MAML2: variants seen among roughly 807,000 people sequenced by gnomAD.
MAML2 encodes the protein mastermind-like protein 2.
Under a neutral mutation model 96.1 loss-of-function variants are expected in MAML2, and 22 were observed. The ratio of observed to expected loss-of-function variants is 0.23; its 90% CI spans 0.16 to 0.33. MAML2 has a LOEUF of 0.33. MAML2 is among the 10% of genes least tolerant of loss of function. The pLI is 1.00. For missense variants in MAML2, 1,367 were observed against 1,392.4 expected, an observed-to-expected ratio of 0.98 and a Z score of 0.29; for synonymous variants, 561 against 521.3, an observed-to-expected ratio of 1.08 and a Z score of -1.04.
chr11:96,047,910 CAAAAAAAAAAA>C (rs71459784), intron 2 of MAML2, among the ~76,000 whole-genome samples: 2 of 82,476 alleles, frequency 2.4e-5, no homozygotes, highest in Admixed American at 2.9e-4. Flanking sequence ...GACTCTGCCT[CAAAAAAAAAAA>C]AAAAAAAAAA....
intron 2 of MAML2, among the ~76,000 whole-genome samples, chr11:96,040,582 C>T (rs1344743193): frequency 6.6e-6 from 1 of 152,154 alleles, no homozygotes; most frequent in Non-Finnish European, 1.5e-5. Flanking sequence ...GCCTGACCAA[C>T]ATGGTGAAAC....
At chr11:96,038,875 C>G (rs1489696501) in intron 2 of MAML2, among the ~76,000 whole-genome samples, 2 of 152,194 alleles carry the variant, frequency 1.3e-5, no homozygotes, top group Admixed American at 1.3e-4. Context: ...AACCTTGTAT[C>G]TTCAGCACTT....
intron 1 of MAML2, among the ~76,000 whole-genome samples, chr11:96,188,530 C>T (rs577912575): frequency 3.2e-4 from 48 of 152,126 alleles, no homozygotes; most frequent in Non-Finnish European, 5.3e-4. Flanking sequence ...CCTGTATGTC[C>T]CTATTATGGC....
At chr11:96,164,968 A>G (rs1861168922) in intron 1 of MAML2, among the ~76,000 whole-genome samples, 1 of 152,256 alleles carries the variant, frequency 6.6e-6, no homozygotes, top group South Asian at 2.1e-4. Context: ...ACTTTCCATT[A>G]TATAAATAAT....
chr11:96,243,342 T>C (rs976014966), intron 1 of MAML2, among the ~76,000 whole-genome samples: 3 of 152,272 alleles, frequency 2.0e-5, no homozygotes, highest in South Asian at 4.2e-4. Flanking sequence ...GGGTTGGCTG[T>C]CGGGAATTGC....
intron 1 of MAML2, among the ~76,000 whole-genome samples, chr11:96,249,399 C>A (rs758423685): frequency 6.6e-6 from 1 of 152,128 alleles, no homozygotes; most frequent in Admixed American, 6.5e-5. Context: ...CCAGCCCTTG[C>A]GCATGAATTC....
chr11:96,138,100 T>C (rs1860666647), intron 1 of MAML2, among the ~76,000 whole-genome samples: 2 of 152,188 alleles, frequency 1.3e-5, no homozygotes, highest in East Asian at 1.9e-4. Flanking sequence ...TTTAGGCTAA[T>C]AAGAACACAG....
chr11:96,053,522 A>G (rs187545891), intron 2 of MAML2, among the ~76,000 whole-genome samples: 1 of 152,294 alleles, frequency 6.6e-6, no homozygotes, highest in Non-Finnish European at 1.5e-5. Flanking sequence ...AAGAGGGGAG[A>G]GACTTATTAT....
At chr11:96,178,715 G>A (rs568641547) in intron 1 of MAML2, among the ~76,000 whole-genome samples, 1 of 152,112 alleles carries the variant, frequency 6.6e-6, no homozygotes, top group South Asian at 2.1e-4. Flanking sequence ...CTTATTAATC[G>A]TCACCAGTGT....
At chr11:96,180,194 G>A (rs1861460409) in intron 1 of MAML2, among the ~76,000 whole-genome samples, 1 of 152,070 alleles carries the variant, frequency 6.6e-6, no homozygotes, top group African/African-American at 2.4e-5. Flanking sequence ...TGTGATGGAT[G>A]GTGTTTTTCT....
chr11:96,232,161 CT>C (rs1565256967), intron 1 of MAML2, among the ~76,000 whole-genome samples: 1 of 152,168 alleles, frequency 6.6e-6, no homozygotes, highest in African/African-American at 2.4e-5. Flanking sequence ...TGATTCCTCC[CT>C]ATGGGTACTT....
At position 96,082,199 on chromosome 11, in the gene MAML2, T is replaced by C. The variant is rs571675591; in HGVS notation, c.2139+9693A>G. ...AACTACAATTCAAGGTAGAAAGCAA[T>C]GAATGTAATGAGAGATGCAAAATGC... is the stretch of plus-strand genomic sequence containing the variant. On this transcript the variant is annotated intron_variant, in intron 2 of 4. Transcript: ENST00000524717. Among the ~76,000 whole-genome samples, 14 of 152,184 alleles carry C rather than the reference T, an allele frequency of 9.2e-5. 1 individual carries two copies. In the East Asian group the frequency reaches 2.5e-3, roughly 27 times the overall value.
intron 1 of MAML2, among the ~76,000 whole-genome samples, chr11:96,329,834 CA>C (rs1354508430): frequency 6.6e-6 from 1 of 152,122 alleles, no homozygotes; most frequent in African/African-American, 2.4e-5. Context: ...AATTTCCTAT[CA>C]AAAAGAGTGA....
intron 1 of MAML2, among the ~76,000 whole-genome samples, chr11:96,209,429 G>T (rs1861937176): frequency 6.6e-6 from 1 of 152,112 alleles, no homozygotes; most frequent in East Asian, 1.9e-4. Context: ...CTTGAGGTCA[G>T]GAGTTCGAGA....
intron 2 of MAML2, among the ~76,000 whole-genome samples, chr11:95,992,566 T>C (rs1471584417): frequency 6.6e-6 from 1 of 152,232 alleles, no homozygotes; most frequent in Non-Finnish European, 1.5e-5. Context: ...CTAGTAGGGT[T>C]ACAAGAAGAC....
rs1455382020 is a variant in MAML2 at position 96,093,270 on chromosome 11, C to T, written c.761G>A (p.Gly254Asp). 6.2e-7 allele frequency: 1 copy of T among 1,614,004 alleles called. No homozygotes were observed. Among genetic ancestry groups the T allele is most frequent in the Admixed American group, 1.7e-5 (1 of 60,030 alleles). Residue 254 changes from glycine (G) to aspartate (D), a missense_variant, in exon 2 of 5, where the codon GGC (glycine) becomes GAC (aspartate). Gly to Asp is a moderately conservative substitution (Grantham distance 94, BLOSUM62 -1). Transcript: ENST00000524717. ...TAAGCCCATGTTAAACAGGCCATTG[C>T]CAGGAGAATGTGTATGGGATGGCAG... ...NTLPSHTHSP[G>D]NGLFNMGLKE...
At chr11:96,195,778 G>A (rs1429777032) in intron 1 of MAML2, among the ~76,000 whole-genome samples, 1 of 152,166 alleles carries the variant, frequency 6.6e-6, no homozygotes, top group Non-Finnish European at 1.5e-5. Flanking sequence ...TTGCAAATGG[G>A]CTATTAGCAG....
At chr11:96,089,688 C>T (rs919200481) in intron 2 of MAML2, among the ~76,000 whole-genome samples, 3 of 152,144 alleles carry the variant, frequency 2.0e-5, no homozygotes, top group Non-Finnish European at 2.9e-5. Flanking sequence ...GCTTAAAACT[C>T]AGCCACATGA....
chr11:96,243,661 T>C (rs1241090834), intron 1 of MAML2, among the ~76,000 whole-genome samples: 2 of 150,542 alleles, frequency 1.3e-5, no homozygotes, highest in Non-Finnish European at 3.0e-5. Context: ...TTTTCTTTTT[T>C]TTTTTTTTTT....
Sources: allele counts gnomAD v4.1 joint callset (sites outside exome capture counted in the v4.1 genomes callset), GRCh38; gene constraint gnomAD v4.1.1; transcripts MANE v1.5; gene names NCBI Gene and HGNC (gene_info 2026-07-23, HGNC 2026-07-21).